Variants in METTL25 observed in about 807,000 individuals in gnomAD.
METTL25 encodes probable methyltransferase-like protein 25.
METTL25 carries 64 observed loss-of-function variants against 71.6 expected under a neutral mutation model. That is an observed-to-expected ratio of 0.89 (90% CI 0.73 to 1.10). The LOEUF (loss-of-function observed/expected upper bound fraction) is 1.10, where lower values mean the gene tolerates loss of function less well. Ranked by LOEUF, METTL25 falls within the 50% of genes least tolerant of loss-of-function variation. The pLI is 0.00. For synonymous variants in METTL25, 287 were observed against 250.3 expected, an observed-to-expected ratio of 1.15 and a Z score of -1.38; for missense variants, 807 against 707.0, an observed-to-expected ratio of 1.14 and a Z score of -1.60.
chr12:82,399,276 A>T lies in METTL25; in HGVS notation c.1013A>T (p.Glu338Val), dbSNP rs1479219304. The change falls in exon 4 of 12, where the codon GAA becomes GTA. Residue 338 changes from glutamate to valine, a missense_variant. By Grantham distance (121) the Glu-to-Val change is moderately radical (BLOSUM62 -2). Transcript: ENST00000248306. ...CAAATACCCAACAGAGAAACATCTG[A>T]AGCCAATAAAGAGAGAAGAAAAATG... ...SQQIPNRETS[E>V]ANKERRKMTS... 6.2e-7 allele frequency: 1 copy of T among 1,613,804 alleles called. No homozygotes were observed. The highest frequency in any genetic ancestry group is 8.5e-7 in the Non-Finnish European group (1 of 1,179,854).
intron 2 of METTL25, among the ~76,000 whole-genome samples, chr12:82,389,331 CAT>C (rs1288287061): frequency 1.3e-5 from 2 of 152,066 alleles, no homozygotes; most frequent in African/African-American, 4.8e-5. Flanking sequence ...GCAATAATCA[CAT>C]GTGGTTAGCA....
chr12:82,422,783 A>C (rs1045369310), intron 5 of METTL25, among the ~76,000 whole-genome samples: 44 of 152,192 alleles, frequency 2.9e-4, no homozygotes, highest in African/African-American at 4.6e-4. Flanking sequence ...TCATGAGTGA[A>C]CTCCCATTCA....
chr12:82,416,616 TTTTTGTTTTG>T (rs200482325), intron 5 of METTL25, among the ~76,000 whole-genome samples: 7 of 151,334 alleles, frequency 4.6e-5, no homozygotes, highest in South Asian at 2.1e-4. Context: ...AATTTTTGCT[TTTTTGTTTTG>T]TTTTGTTTTG....
At chr12:82,382,057 C>A (rs1216393476) in intron 1 of METTL25, among the ~76,000 whole-genome samples, 1 of 152,142 alleles carries the variant, frequency 6.6e-6, no homozygotes, top group East Asian at 1.9e-4. Context: ...AGGCTTTTAG[C>A]TTTGCCAGTG....
intron 5 of METTL25, among the ~76,000 whole-genome samples, chr12:82,412,370 A>G (rs1887617591): frequency 6.6e-6 from 1 of 152,064 alleles, no homozygotes; most frequent in Non-Finnish European, 1.5e-5. Context: ...TGTGATGGTA[A>G]ATGTTTAATG....
chr12:82,384,458 G>A (rs955083560), intron 1 of METTL25, among the ~76,000 whole-genome samples: 21 of 123,296 alleles, frequency 1.7e-4, no homozygotes, highest in Non-Finnish European at 2.8e-4. Flanking sequence ...AGTAATGGAA[G>A]TTACAGGCTG....
At chr12:82,442,419 C>T (rs913650751) in intron 8 of METTL25, among the ~76,000 whole-genome samples, 11 of 152,132 alleles carry the variant, frequency 7.2e-5, no homozygotes, top group South Asian at 2.1e-4. Context: ...ATTGTGGATA[C>T]ACACAACAAC....
intron 5 of METTL25, among the ~76,000 whole-genome samples, chr12:82,418,755 C>A (rs1159761684): frequency 6.6e-6 from 1 of 151,954 alleles, no homozygotes; most frequent in East Asian, 1.9e-4. Flanking sequence ...ACCACCATTT[C>A]AAGATAAATG....
At chr12:82,411,182 A>G (rs1887530280) in intron 5 of METTL25, among the ~76,000 whole-genome samples, 1 of 152,044 alleles carries the variant, frequency 6.6e-6, no homozygotes, top group Admixed American at 6.6e-5. Flanking sequence ...TACTAAGGGT[A>G]TTTGTGTACC....
chr12:82,427,819 C>A (rs951411220), intron 5 of METTL25, among the ~76,000 whole-genome samples: 9 of 151,712 alleles, frequency 5.9e-5, no homozygotes, highest in African/African-American at 1.9e-4. Flanking sequence ...TGCTATATTC[C>A]AAGATTGCTG....
At chr12:82,427,584 A>T (rs1207639616) in intron 5 of METTL25, among the ~76,000 whole-genome samples, 1 of 151,946 alleles carries the variant, frequency 6.6e-6, no homozygotes, top group Admixed American at 6.6e-5. Context: ...CTCAGTTTTT[A>T]AATTTTTGTT....
intron 9 of METTL25, among the ~76,000 whole-genome samples, chr12:82,459,241 A>G (rs1386565485): frequency 1.3e-5 from 2 of 152,224 alleles, no homozygotes; most frequent in South Asian, 2.1e-4. Context: ...TCTAATGGAC[A>G]AGGTAGATAG....
rs552954895 is a variant in METTL25 at position 82,358,730 on chromosome 12, G to C, written c.165G>C (p.Pro55=). The change falls in exon 1 of 12, where the codon CCG becomes CCC. Residue 55 remains proline, a synonymous_variant. Coordinates refer to ENST00000248306, the MANE Select transcript of METTL25 (RefSeq NM_032230.3). Reference sequence around the variant, plus strand: ...GGGAGGAGCTGGTCGACTTGCCACCGGAGACAGTGCTGGCTGCGCTGAGGA... The same window carrying C: ...GGGAGGAGCTGGTCGACTTGCCACCCGAGACAGTGCTGGCTGCGCTGAGGA... ...SVWEELVDLP[P]ETVLAALRKS... 5.6e-6 allele frequency: 9 copies of C among 1,614,136 alleles called. No individual in the cohort carries two copies. The highest frequency in any genetic ancestry group is 7.6e-6 in the Non-Finnish European group (9 of 1,180,040).
intron 1 of METTL25, among the ~76,000 whole-genome samples, chr12:82,362,217 A>G (rs1365884133): frequency 1.3e-5 from 2 of 152,220 alleles, no homozygotes; most frequent in Admixed American, 6.5e-5. Flanking sequence ...ACTAGAATAA[A>G]ATATTTAATT....
At chr12:82,433,281 G>A (rs573538601) in intron 6 of METTL25, among the ~76,000 whole-genome samples, 4 of 151,226 alleles carry the variant, frequency 2.6e-5, no homozygotes, top group Admixed American at 2.6e-4. Context: ...TGGCCTTTAG[G>A]AAAATTTATA....
In METTL25 at chr12:82,399,144, A is replaced by G; in HGVS notation, c.881A>G (p.Glu294Gly). 4 of 1,613,804 alleles carry G rather than the reference A, an allele frequency of 2.5e-6. No individual in the cohort carries two copies. Among genetic ancestry groups the G allele is most frequent in the Non-Finnish European group, 3.4e-6 (4 of 1,179,850 alleles). ...SVISNIRNQM[E>G]TLHSQPHQEE... ...ATTTCTAATATCAGAAACCAAATGG[A>G]AACCCTTCATTCTCAGCCACATCAA... is the stretch of plus-strand genomic sequence containing the variant. The change falls in exon 4 of 12, where the codon GAA becomes GGA. Residue 294 changes from glutamate to glycine, a missense_variant. By Grantham distance (98) the Glu-to-Gly change is moderately conservative (BLOSUM62 -2). Transcript: ENST00000248306.
chr12:82,473,221 GCCA>G (rs1892669199), intron 9 of METTL25, among the ~76,000 whole-genome samples: 1 of 152,148 alleles, frequency 6.6e-6, no homozygotes, highest in Non-Finnish European at 1.5e-5. Flanking sequence ...TCATGGGTCA[GCCA>G]GCTTGGAGCT....
intron 5 of METTL25, among the ~76,000 whole-genome samples, chr12:82,409,221 A>C (rs1358156592): frequency 2.6e-5 from 4 of 152,150 alleles, no homozygotes; most frequent in African/African-American, 9.7e-5. Context: ...CTGAATTTAT[A>C]CCATATGTTT....
chr12:82,476,801 C>A, intron 10 of METTL25, 83 bp downstream of exon 10: 4 of 833,862 alleles, frequency 4.8e-6, no homozygotes, highest in Non-Finnish European at 5.7e-6. Context: ...ATGGGCTAAG[C>A]AATCTATGTT....
Sources: allele counts gnomAD v4.1 joint callset (sites outside exome capture counted in the v4.1 genomes callset), GRCh38; gene constraint gnomAD v4.1.1; transcripts MANE v1.5; gene names NCBI Gene and HGNC (gene_info 2026-07-23, HGNC 2026-07-21).